The following MBP variants were observed in gnomAD, a reference collection of about 807,000 sequenced individuals.
MBP encodes the protein myelin basic protein, also known as Golli-MBP.
In MBP, 16 loss-of-function variants were observed where a neutral mutation model predicts 35.8. The ratio of observed to expected loss-of-function variants is 0.45; its 90% CI spans 0.30 to 0.68. The LOEUF (loss-of-function observed/expected upper bound fraction) is 0.68. MBP is among the 30% of genes least tolerant of loss of function. The pLI is 0.08. For synonymous variants in MBP, 143 were observed against 159.6 expected, an observed-to-expected ratio of 0.90 and a Z score of 0.78; for missense variants, 380 against 404.7, an observed-to-expected ratio of 0.94 and a Z score of 0.52.
intron 3 of MBP, among the ~76,000 whole-genome samples, chr18:77,051,364 A>G (rs567011600): frequency 6.6e-6 from 1 of 152,330 alleles, no homozygotes; most frequent in South Asian, 2.1e-4. Flanking sequence ...ACCTACTTAA[A>G]TGGTCACATC....
At chr18:77,093,797 C>A (rs1359164215) in intron 2 of MBP, among the ~76,000 whole-genome samples, 2 of 152,198 alleles carry the variant, frequency 1.3e-5, no homozygotes, top group Non-Finnish European at 2.9e-5. Flanking sequence ...CGCCCAGCAG[C>A]CTGAAAGCAC....
chr18:77,084,020 TAA>T (rs1555726539), intron 2 of MBP, among the ~76,000 whole-genome samples: 1 of 148,722 alleles, frequency 6.7e-6, no homozygotes, highest in African/African-American at 2.5e-5. Context: ...TTTTTTTTTT[TAA>T]AAAACCCATA....
intron 1 of MBP, among the ~76,000 whole-genome samples, chr18:77,130,227 G>T (rs1326053712): frequency 6.6e-6 from 1 of 151,994 alleles, no homozygotes; most frequent in East Asian, 1.9e-4. Context: ...CTCATCATTG[G>T]GGTGGAATTT....
chr18:77,035,262 C>T (rs1972711885), intron 3 of MBP, among the ~76,000 whole-genome samples: 2 of 152,226 alleles, frequency 1.3e-5, no homozygotes, highest in African/African-American at 4.8e-5. Context: ...CCACCTGTGT[C>T]CCGGGACGTA....
At chr18:77,067,965 C>T (rs924794553) in intron 2 of MBP, 13 of 408,982 alleles carry the variant, frequency 3.2e-5, no homozygotes, top group Middle Eastern at 7.5e-4. Flanking sequence ...AGCCAGGGCC[C>T]TACACTCCGC....
At chr18:76,984,750 T>C in intron 8 of MBP, 25 bp downstream of exon 8, 1 of 1,613,600 alleles carries the variant, frequency 6.2e-7, no homozygotes, top group Non-Finnish European at 8.5e-7. Context: ...CCCCGCTCAG[T>C]GGAGCTGAGC....
chr18:77,108,707 A>G (rs1976357250), intron 1 of MBP: 1 of 152,258 alleles, frequency 6.6e-6, no homozygotes, highest in Non-Finnish European at 1.5e-5. Flanking sequence ...AATAATGTAC[A>G]CCTAAAGCAG....
At chr18:77,093,492 CTTAACAAAGGGATT>C (rs1235942710) in intron 2 of MBP, 2 of 152,194 alleles carry the variant, frequency 1.3e-5, no homozygotes, top group Non-Finnish European at 2.9e-5. Flanking sequence ...TGCATTCCAA[CTTAACAAAGGGATT>C]TTAACAAAGG....
In MBP at chr18:77,101,757, A is replaced by G. The variant is rs1434151138; in HGVS notation, c.51+3454T>C. Among the ~76,000 whole-genome samples the G allele has an allele frequency of 6.6e-6, 1 of 152,110 alleles. No individual in the cohort carries two copies. Among genetic ancestry groups the G allele is most frequent in the African/African-American group, 2.4e-5 (1 of 41,390 alleles). ...GCTTATTCGGGATGAGAGAGAAGCA[A>G]ATTTCAAAGCCCTGAGTCACTGAGG... On this transcript the variant is annotated intron_variant, in intron 2 of 8. Coordinates refer to ENST00000355994, the MANE Select transcript of MBP (RefSeq NM_001025101.2). The surrounding 1 kb of genome is among the most constrained non-coding windows in gnomAD (Gnocchi z 4.3).
chr18:77,085,855 T>C (rs1258931027), intron 2 of MBP, among the ~76,000 whole-genome samples: 3 of 151,324 alleles, frequency 2.0e-5, no homozygotes, highest in Non-Finnish European at 3.0e-5. Context: ...GGCTAATTTT[T>C]GTATTTTTAG....
Position 76,989,883 on chromosome 18 carries a change from G to A in MBP, c.681+73C>T. The A allele has an allele frequency of 7.5e-7, 1 of 1,333,346 alleles. No individual in the cohort carries two copies. Among genetic ancestry groups the A allele is most frequent in the Non-Finnish European group, 1.1e-6 (1 of 927,052 alleles). The allele number at this position is 1,333,346 out of a possible 1,614,324, so 82.6% of individuals were successfully genotyped here. A position where few individuals can be genotyped will look rare whatever the true frequency, so the allele number is the denominator to read the frequency against. Reference sequence around the variant, plus strand: ...ACCCCCGAGCGTACGAACGTCCTGTGTGGATGACAGCAGTGGCCAGCACCC... The same window carrying A: ...ACCCCCGAGCGTACGAACGTCCTGTATGGATGACAGCAGTGGCCAGCACCC... On this transcript the variant is annotated intron_variant, in intron 5 of 8. Transcript: ENST00000355994. The surrounding 1 kb of genome is among the most constrained non-coding windows in gnomAD (Gnocchi z 4.0).
intron 3 of MBP, among the ~76,000 whole-genome samples, chr18:77,056,371 A>G (rs1973722279): frequency 6.6e-6 from 1 of 152,158 alleles, no homozygotes; most frequent in Non-Finnish European, 1.5e-5. Flanking sequence ...AAAACTTGCC[A>G]CTATGAATTA....
chr18:76,980,603 C>A, intron 8 of MBP, 132 bp from the exon 9 acceptor site: 1 of 693,682 alleles, frequency 1.4e-6, no homozygotes, highest in Non-Finnish European at 2.6e-6. Flanking sequence ...GAAATGGCAC[C>A]CCGGAGAGCT....
chr18:77,020,440 T>G lies in MBP; in HGVS notation c.140-3172A>C, dbSNP rs1036115408. Among the ~76,000 whole-genome samples, 7 of 152,170 alleles carry G rather than the reference T, an allele frequency of 4.6e-5. No homozygotes were observed. Among genetic ancestry groups the G allele is most frequent in the African/African-American group, 1.7e-4 (7 of 41,420 alleles). On this transcript the variant is annotated intron_variant, in intron 3 of 8. Transcript: ENST00000355994. The surrounding 1 kb of genome is among the most constrained non-coding windows in gnomAD (Gnocchi z 4.1). ...TGGGGTCCCCGTGACCCCTCCAGTT[T>G]CCCTGACTTGCTAGGAGAGCTCCCG...
Position 77,027,148 on chromosome 18 carries a change from CG to C in MBP, c.140-9881del, listed in dbSNP as rs1323189554. ...GGATGAAAATGACAGGCCTTTGTCT[CG>C]CCACCTCAAAACTCCCAAGTTTTTA... On this transcript the variant is annotated intron_variant, in intron 3 of 8. Transcript: ENST00000355994. Among the ~76,000 whole-genome samples the C allele has an allele frequency of 3.9e-5, 6 of 152,048 alleles. No homozygotes were observed. The South Asian group carries it at 8.3e-4, about 21-fold the overall frequency.
At chr18:77,081,819 T>TATATATACACACACTATATACAC (rs1555726071) in intron 2 of MBP, among the ~76,000 whole-genome samples, 1,459 of 74,538 alleles carry the variant, frequency 0.02, 29 homozygotes, top group East Asian at 0.083. Flanking sequence ...CACACATATA[T>TATATATACACACACTATATACAC]ACACACACAC....
intron 3 of MBP, among the ~76,000 whole-genome samples, chr18:77,021,945 G>A (rs1195419339): frequency 1.3e-5 from 2 of 152,170 alleles, no homozygotes; most frequent in Admixed American, 6.5e-5. Context: ...CTCATCTGGG[G>A]GATGCGAAGA....
At chr18:77,082,069 G>A (rs1256526496) in intron 2 of MBP, among the ~76,000 whole-genome samples, 1 of 151,338 alleles carries the variant, frequency 6.6e-6, no homozygotes, top group Non-Finnish European at 1.5e-5. Flanking sequence ...AGCCGGGATG[G>A]TTTCGATCTC....
At chr18:77,127,916 ATCAC>A (rs1163122840) in intron 1 of MBP, 1 of 152,228 alleles carries the variant, frequency 6.6e-6, no homozygotes, top group Non-Finnish European at 1.5e-5. Context: ...AAGGTCCTGA[ATCAC>A]TCACACACCG....
Sources: gnomAD v4.1 joint callset for allele counts (sites outside exome capture counted in the v4.1 genomes callset) on GRCh38, gnomAD v4.1.1 for gene constraint, Gnocchi (gnomAD v3.1) non-coding constraint, MANE v1.5 for transcripts, NCBI Gene and HGNC (gene_info 2026-07-23, HGNC 2026-07-21) for gene names.